The following NHSL2 variants were observed in gnomAD, a reference collection of about 807,000 sequenced individuals.
NHSL2 encodes NHS-like protein 2.
Under a neutral mutation model 53.4 loss-of-function variants are expected in NHSL2, and 27 were observed. The ratio of observed to expected loss-of-function variants is 0.51; its 90% CI spans 0.37 to 0.70. The LOEUF (loss-of-function observed/expected upper bound fraction) is 0.70, where lower values mean the gene tolerates loss of function less well. NHSL2 is among the 30% of genes least tolerant of loss of function. The pLI, the probability that NHSL2 is intolerant of heterozygous loss-of-function variation, is 0.00. For synonymous variants in NHSL2, 408 were observed against 404.1 expected, an observed-to-expected ratio of 1.01 and a Z score of -0.12; for missense variants, 892 against 980.1, an observed-to-expected ratio of 0.91 and a Z score of 1.20.
intron 1 of NHSL2, among the ~76,000 whole-genome samples, chrX:72,125,058 A>C (rs773465513): frequency 1.9e-5 from 1 of 53,818 alleles, no homozygotes; most frequent in Admixed American, 1.9e-4. Flanking sequence ...GGCGCATCTG[A>C]CAGCCAGGTC....
intron 1 of NHSL2, among the ~76,000 whole-genome samples, chrX:72,083,838 T>C (rs942194083): frequency 8.9e-6 from 1 of 111,935 alleles, no homozygotes; most frequent in African/African-American, 3.3e-5. Context: ...TCAGCAGGTG[T>C]TTTCTGAGCA....
At position 72,143,322 on chromosome X, in the gene NHSL2, C is replaced by G; in HGVS notation, c.3426C>G (p.His1142Gln). ...TTGTGGGTGGCAGAACGAGTTCCCA[C>G]TCACCAATAAAGAACACAGCTGAGT... ...EAFVGGRTSS[H>Q]SPIKNTAESP... The change falls in exon 8 of 8, where the codon CAC becomes CAG. Residue 1142 changes from histidine to glutamine, a missense_variant. By Grantham distance (24) the His-to-Gln change is conservative (BLOSUM62 0). Transcript: ENST00000633930. The G allele has an allele frequency of 8.6e-6, 10 of 1,166,797 alleles. No individual in the cohort carries two copies. The highest frequency in any genetic ancestry group is 1.1e-5 in the Non-Finnish European group (10 of 872,253).
chrX:72,140,818 G>A, intron 6 of NHSL2, 47 bp downstream of exon 6: 1 of 1,040,155 alleles, frequency 9.6e-7, no homozygotes, highest in Admixed American at 3.0e-5. Flanking sequence ...CAGGAGAGAT[G>A]AGGGTGAGAA....
chrX:72,029,297 G>A (rs1318192054), intron 1 of NHSL2, among the ~76,000 whole-genome samples: 2 of 111,146 alleles, frequency 1.8e-5, no homozygotes, highest in Non-Finnish European at 3.8e-5. Context: ...AATGGGAGTG[G>A]TGGAGCCAAT....
chrX:71,945,342 C>T (rs2041787441), intron 1 of NHSL2, among the ~76,000 whole-genome samples: 1 of 112,156 alleles, frequency 8.9e-6, no homozygotes, highest in African/African-American at 3.2e-5. Context: ...GCTGAGAAGT[C>T]CCCTTTCTTC....
chrX:72,140,722 G>A lies in NHSL2; in HGVS notation c.3174G>A (p.Arg1058=), dbSNP rs996152246. ...ATGACCTGCAATCACTTGGTCAAAG[G>A]GTGACTTCAACTCCTCAGGCTGACA... is the stretch of plus-strand genomic sequence containing the variant. ...TGDDLQSLGQ[R]VTSTPQADSE... The change falls in exon 6 of 8, where the codon AGG becomes AGA. Residue 1058 remains arginine, a synonymous_variant. Transcript: ENST00000633930. 3 of 1,200,758 alleles carry A rather than the reference G, an allele frequency of 2.5e-6. No individual in the cohort carries two copies. The highest frequency in any genetic ancestry group is 4.5e-5 in the Admixed American group (2 of 44,932).
intron 1 of NHSL2, chrX:72,044,553 G>A: frequency 2.5e-6 from 2 of 801,730 alleles, no homozygotes; most frequent in Non-Finnish European, 3.7e-6. Context: ...AGATGACAAA[G>A]AAAAGAAGGA....
rs1404772936 is a variant in NHSL2, at chrX:72,140,337, C to A, written c.2789C>A (p.Ser930Tyr). 1 of 1,211,267 alleles carries A rather than the reference C, an allele frequency of 8.3e-7. No individual in the cohort carries two copies. Among genetic ancestry groups the A allele is most frequent in the African/African-American group, 1.7e-5 (1 of 57,762 alleles). Reference protein sequence around the residue: ...SYTVVRKPKPSSFPDGRSPGE... With the variant: ...SYTVVRKPKPYSFPDGRSPGE... ...ACGGTAGTGCGGAAACCAAAGCCCTCCAGCTTCCCAGATGGCAGAAGCCCA... is the reference window on the plus strand; with the variant it reads ...ACGGTAGTGCGGAAACCAAAGCCCTACAGCTTCCCAGATGGCAGAAGCCCA... The change falls in exon 6 of 8, where the codon TCC (serine) becomes TAC (tyrosine). Residue 930 changes from serine (S) to tyrosine (Y), a missense_variant. By Grantham distance (144) the Ser-to-Tyr change is moderately radical. Transcript: ENST00000633930.
At position 72,140,674 on chromosome X, in the gene NHSL2, C is replaced by A; in HGVS notation, c.3126C>A (p.Asp1042Glu). The A allele has an allele frequency of 8.3e-7, 1 of 1,210,852 alleles. No homozygotes were observed. Among genetic ancestry groups the A allele is most frequent in the Non-Finnish European group, 1.1e-6 (1 of 894,434 alleles). ...PLSPIITLEE[D>E]TKCPATGDDL... Reference sequence around the variant, plus strand: ...GCCCCATCATCACCCTGGAGGAAGACACCAAGTGTCCCGCCACCGGCGATG... The same window carrying A: ...GCCCCATCATCACCCTGGAGGAAGAAACCAAGTGTCCCGCCACCGGCGATG... Residue 1042 changes from aspartate to glutamate, a missense_variant, in exon 6 of 8, where the codon GAC becomes GAA. Transcript: ENST00000633930.
Position 72,134,708 on chromosome X carries a change from G to C in NHSL2, c.760+4G>C, listed in dbSNP as rs1476645715. The C allele has an allele frequency of 2.6e-6, 3 of 1,150,309 alleles. No homozygotes were observed. The highest frequency in any genetic ancestry group is 3.5e-6 in the Non-Finnish European group (3 of 857,102). The allele number at this position is 1,150,309 out of a possible 1,213,427, so 94.8% of individuals were successfully genotyped here. A position where few individuals can be genotyped will look rare whatever the true frequency, so the allele number is the denominator to read the frequency against. ...ATTGTGCCCATCAACATCTCTGGTA[G>C]AGTTGCTTAGCACCGCCTTTGTCTT... On this transcript the variant is annotated splice_donor_region_variant and intron_variant, in intron 4 of 7. Transcript: ENST00000633930.
chrX:72,138,072 C>G (rs975390626), intron 5 of NHSL2, among the ~76,000 whole-genome samples: 1 of 111,496 alleles, frequency 9.0e-6, no homozygotes. Context: ...GTCCTTAGTT[C>G]GGAAGCCTCT....
Position 71,986,556 on chromosome X carries a change from C to A in NHSL2, c.280+75189C>A, listed in dbSNP as rs187524175. Among the ~76,000 whole-genome samples the A allele has an allele frequency of 2.3e-3, 261 of 112,035 alleles. 1 individual carries two copies. The highest frequency in any genetic ancestry group is 8.3e-3 in the African/African-American group (256 of 30,887). On this transcript the variant is annotated intron_variant, in intron 1 of 7. Coordinates refer to ENST00000633930, the MANE Select transcript of NHSL2 (RefSeq NM_001013627.3). ...TTATCTTTTCATATTATGTAAAAAT[C>A]TTTTTTGAAACAGAAAACCAAATTT...
chrX:72,150,123 G>T lies in NHSL2; in HGVS notation c.*6549G>T, dbSNP rs1248225648. 8.9e-6 allele frequency: 1 copy of T among 112,670 alleles called. No homozygotes were observed. Among genetic ancestry groups the T allele is most frequent in the Admixed American group, 9.4e-5 (1 of 10,673 alleles). The allele number at this position is 112,670 out of a possible 1,213,427, so 9.3% of individuals were successfully genotyped here. A position where few individuals can be genotyped will look rare whatever the true frequency, so the allele number is the denominator to read the frequency against. On this transcript the variant is annotated 3_prime_UTR_variant, in exon 8 of 8. Transcript: ENST00000633930. ...GAGTTCTTTAATTCATTAATCCAAA[G>T]ACAAATTGGATTTTCAGTTTATAAA... is the stretch of plus-strand genomic sequence containing the variant.
chrX:72,006,905 T>C (rs2042096891), intron 1 of NHSL2, among the ~76,000 whole-genome samples: 1 of 112,540 alleles, frequency 8.9e-6, no homozygotes, highest in Non-Finnish European at 1.9e-5. Flanking sequence ...CTGAGGGCAG[T>C]GACCATGACT....
At chrX:71,968,846 G>T (rs1384197992) in intron 1 of NHSL2, among the ~76,000 whole-genome samples, 1 of 111,795 alleles carries the variant, frequency 8.9e-6, no homozygotes, top group Non-Finnish European at 1.9e-5. Flanking sequence ...TAATTTTAGG[G>T]TTTCTTTATC....
At chrX:72,036,191 T>G (rs1236594086) in intron 1 of NHSL2, among the ~76,000 whole-genome samples, 4 of 112,096 alleles carry the variant, frequency 3.6e-5, no homozygotes, top group Non-Finnish European at 7.5e-5. Flanking sequence ...GGTAACAAAG[T>G]TTCTTAATTT....
chrX:71,931,578 T>G (rs1229205604), intron 1 of NHSL2, among the ~76,000 whole-genome samples: 1 of 112,513 alleles, frequency 8.9e-6, no homozygotes, highest in East Asian at 2.8e-4. Flanking sequence ...TCTTTGCATG[T>G]TCTTGGATAT....
chrX:72,060,486 A>C (rs1395415325), intron 1 of NHSL2, among the ~76,000 whole-genome samples: 1 of 112,567 alleles, frequency 8.9e-6, no homozygotes, highest in Non-Finnish European at 1.9e-5. Flanking sequence ...TAACATAAAG[A>C]AGTTTTGTTT....
intron 1 of NHSL2, among the ~76,000 whole-genome samples, chrX:71,971,591 ATATAT>A (rs1399154851): frequency 9.8e-5 from 11 of 112,007 alleles, no homozygotes; most frequent in East Asian, 8.3e-4. Context: ...TTGTTGTCAA[ATATAT>A]TATATTTTTA....
Sources: allele counts gnomAD v4.1 joint callset (sites outside exome capture counted in the v4.1 genomes callset), GRCh38; gene constraint gnomAD v4.1.1; transcripts MANE v1.5; gene names NCBI Gene and HGNC (gene_info 2026-07-23, HGNC 2026-07-21).